ABCA3: variants seen among roughly 807,000 people sequenced by gnomAD.
ABCA3 encodes the protein phospholipid-transporting ATPase ABCA3.
A neutral mutation model predicts 172.8 loss-of-function variants in ABCA3; 88 were observed. The ratio of observed to expected loss-of-function variants is 0.51; its 90% CI spans 0.43 to 0.61. The LOEUF is 0.61. Ranked by LOEUF, ABCA3 falls within the 20% of genes least tolerant of loss-of-function variation. The probability of loss-of-function intolerance (pLI) is 0.00; values close to 1 mark genes in which losing one functional copy is unlikely to be tolerated. For synonymous variants in ABCA3, 1,066 were observed against 983.8 expected (o/e 1.08, Z -1.56); for missense variants, 2,164 against 2,301.0 (o/e 0.94, Z 1.22).
At chr16:2,289,670 TGGAG>T in intron 19 of ABCA3, 50 bp from the exon 20 acceptor site, 1 of 1,536,972 alleles carries the variant, frequency 6.5e-7, no homozygotes, top group Non-Finnish European at 8.7e-7. Context: ...CCCGGGTGGG[TGGAG>T]GGAGGGACTA....
At position 2,298,482 on chromosome 16, in the gene ABCA3, G is replaced by A. The variant is rs371747435; in HGVS notation, c.1800C>T (p.Asp600=). 6.2e-7 allele frequency: 1 copy of A among 1,614,084 alleles called. No homozygotes were observed. Among genetic ancestry groups the A allele is most frequent in the Non-Finnish European group, 8.5e-7 (1 of 1,180,042 alleles). ...AYISGYEISQ[D]MVQIRKSLGL... ...CCAGGCTCTTCCGGATCTGAACCAT[G>A]TCCTGGGAAATTTCATACCCGCTGA... The change falls in exon 15 of 33, where the codon GAC becomes GAT. Residue 600 remains aspartate, a synonymous_variant. Coordinates refer to ENST00000301732, the MANE Select transcript of ABCA3 (RefSeq NM_001089.3).
chr16:2,294,008 CTT>C (rs1264381640), intron 18 of ABCA3, among the ~76,000 whole-genome samples: 7 of 139,960 alleles, frequency 5.0e-5, no homozygotes, highest in Non-Finnish European at 3.1e-5. Flanking sequence ...TTTTTTCTTT[CTT>C]TTTTTTTTTT....
At chr16:2,314,329 T>C (rs1567349872) in intron 10 of ABCA3, among the ~76,000 whole-genome samples, 1 of 152,142 alleles carries the variant, frequency 6.6e-6, no homozygotes, top group Non-Finnish European at 1.5e-5. Flanking sequence ...CAGATGAACC[T>C]TGGGGATGCT....
chr16:2,285,390 C>A lies in ABCA3; in HGVS notation c.3483+52G>T. Reference sequence around the variant, plus strand: ...CCGGTTCTGCACAGGGGTCCCAGGGCAAGCCCTCTGCGGTCTGCAGGGGAA... The same window carrying A: ...CCGGTTCTGCACAGGGGTCCCAGGGAAAGCCCTCTGCGGTCTGCAGGGGAA... On this transcript the variant is annotated intron_variant, in intron 23 of 32. Coordinates refer to ENST00000301732, the MANE Select transcript of ABCA3 (RefSeq NM_001089.3). The surrounding 1 kb of genome is among the most constrained non-coding windows in gnomAD (Gnocchi z 4.7). The A allele has an allele frequency of 6.4e-7, 1 of 1,558,068 alleles. No individual in the cohort carries two copies. Among genetic ancestry groups the A allele is most frequent in the Non-Finnish European group, 8.7e-7 (1 of 1,151,304 alleles).
rs2093681351 is a variant in ABCA3, at chr16:2,297,319, C to G, written c.2263+10G>C. On this transcript the variant is annotated intron_variant, in intron 17 of 32. Coordinates refer to ENST00000301732, the MANE Select transcript of ABCA3 (RefSeq NM_001089.3). The surrounding 1 kb of genome is among the most constrained non-coding windows in gnomAD (Gnocchi z 5.6). ...CACCGACCCTGTCGCGGGCTGGCCC[C>G]ACCGCTCACCGTATTTCTGCTTGAG... 1 of 1,609,310 alleles carries G rather than the reference C, an allele frequency of 6.2e-7. No individual in the cohort carries two copies. Among genetic ancestry groups the G allele is most frequent in the Admixed American group, 1.7e-5 (1 of 59,946 alleles).
chr16:2,300,038 C>T lies in ABCA3; in HGVS notation c.1578G>A (p.Leu526=). ...GGTGCTTGATCTTGATCCCCGCCAC[C>T]AGGTCCTCTGGCTCGGCTTCAAAGT... ...NEYFEAEPED[L]VAGIKIKHLS... Residue 526 remains leucine, a synonymous_variant, in exon 13 of 33, where the codon CTG becomes CTA. Coordinates refer to ENST00000301732, the MANE Select transcript of ABCA3 (RefSeq NM_001089.3). 1 of 1,613,530 alleles carries T rather than the reference C, an allele frequency of 6.2e-7. No homozygotes were observed. Among genetic ancestry groups the T allele is most frequent in the South Asian group, 1.1e-5 (1 of 91,032 alleles).
chr16:2,322,428 T>G (rs2093727545), intron 7 of ABCA3, among the ~76,000 whole-genome samples: 1 of 151,876 alleles, frequency 6.6e-6, no homozygotes, highest in Non-Finnish European at 1.5e-5. Context: ...GTGCACAATG[T>G]GCAGGTTAGT....
chr16:2,317,450 G>T, intron 9 of ABCA3, 47 bp from the exon 10 acceptor site: 1 of 1,610,450 alleles, frequency 6.2e-7, no homozygotes, highest in South Asian at 1.1e-5. Context: ...GGCAGAGGTG[G>T]ACCAGGAGGA....
At chr16:2,302,489 CT>C (rs112470479) in intron 12 of ABCA3, among the ~76,000 whole-genome samples, 580 of 140,616 alleles carry the variant, frequency 4.1e-3, no homozygotes, top group African/African-American at 4.2e-3. Flanking sequence ...CAATATGATT[CT>C]TTTTTTTTTT....
intron 14 of ABCA3, 105 bp downstream of exon 14, chr16:2,299,298 G>T: frequency 6.6e-7 from 1 of 1,520,494 alleles, no homozygotes; most frequent in South Asian, 1.1e-5. Context: ...GCTGTGGTTG[G>T]GGAAGGCCCG....
rs144605166 is a variant in ABCA3 at position 2,311,847 on chromosome 16, G to C, written c.1112-3224C>G. 1.1e-4 allele frequency among the ~76,000 whole-genome samples: 17 copies of C among 152,222 alleles called. No individual in the cohort carries two copies. In the East Asian group the frequency reaches 3.3e-3, roughly 29 times the overall value. On this transcript the variant is annotated intron_variant, in intron 10 of 32. Coordinates refer to ENST00000301732, the MANE Select transcript of ABCA3 (RefSeq NM_001089.3). ...ATTTTTTGTATTTTTAGTAGAGACA[G>C]GGTTTCACCATGTTGTCCAGGCTGG...
At chr16:2,316,419 T>A (rs1211887706) in intron 10 of ABCA3, among the ~76,000 whole-genome samples, 4 of 128,122 alleles carry the variant, frequency 3.1e-5, no homozygotes, top group Non-Finnish European at 6.3e-5. Flanking sequence ...CCAAGGAGTA[T>A]GGATCGCTTG....
At chr16:2,334,354 C>T (rs544828277) in intron 1 of ABCA3, among the ~76,000 whole-genome samples, 2 of 152,226 alleles carry the variant, frequency 1.3e-5, no homozygotes, top group South Asian at 2.1e-4. Flanking sequence ...AAGAAGGGAG[C>T]TCGGGGTGTG....
chr16:2,295,469 G>A, intron 18 of ABCA3, 121 bp downstream of exon 18: 1 of 1,470,880 alleles, frequency 6.8e-7, no homozygotes, highest in Non-Finnish European at 9.4e-7. Context: ...GAGGGTCTAA[G>A]AGTGCCGACT....
chr16:2,300,168 C>G lies in ABCA3; in HGVS notation c.1468-20G>C. 1 of 1,613,054 alleles carries G rather than the reference C, an allele frequency of 6.2e-7. No individual in the cohort carries two copies. Among genetic ancestry groups the G allele is most frequent in the Non-Finnish European group, 8.5e-7 (1 of 1,179,862 alleles). ...GGAGGGCTGGGAGGGAAGCAGACAG[C>G]TGTCAGTTTGTTTTGTTTGTGACGA... On this transcript the variant is annotated intron_variant, in intron 12 of 32. Transcript: ENST00000301732.
rs537014244 is a variant in ABCA3, at chr16:2,277,085, G to A, written c.4984-280C>T. Among the ~76,000 whole-genome samples the A allele has an allele frequency of 3.7e-4, 56 of 152,266 alleles. No individual in the cohort carries two copies. The highest frequency in any genetic ancestry group is 1.3e-3 in the African/African-American group (56 of 41,548). On this transcript the variant is annotated intron_variant, in intron 32 of 32. Coordinates refer to ENST00000301732, the MANE Select transcript of ABCA3 (RefSeq NM_001089.3). This position sits in a 1 kb window ranked among gnomAD's most constrained non-coding sequence, Gnocchi z 5.3. ...TGAGCCAGTGATGTTCCCTTTCTGA[G>A]CCAGTTCTTTTTTTCCCCCATATTT...
intron 15 of ABCA3, 64 bp downstream of exon 15, chr16:2,298,322 A>G: frequency 6.2e-7 from 1 of 1,607,156 alleles, no homozygotes; most frequent in Non-Finnish European, 8.5e-7. Context: ...TCCTCGGAAG[A>G]CTGCCCCAGA....
At chr16:2,301,233 A>C (rs942467050) in intron 12 of ABCA3, among the ~76,000 whole-genome samples, 1 of 151,490 alleles carries the variant, frequency 6.6e-6, no homozygotes. Context: ...TCCGTCTCAA[A>C]AAAAAAAAAA....
In ABCA3 at chr16:2,315,203, TACACAC is replaced by T. The variant is rs377647001; in HGVS notation, c.1111+2074_1111+2079del. Among the ~76,000 whole-genome samples the T allele has an allele frequency of 2.4e-3, 336 of 138,492 alleles. 1 individual carries two copies. Among genetic ancestry groups the T allele is most frequent in the African/African-American group, 4.8e-3 (178 of 36,782 alleles). The allele number at this position is 138,492 out of a possible 152,430, so 90.9% of individuals were successfully genotyped here. On this transcript the variant is annotated intron_variant, in intron 10 of 32. Transcript: ENST00000301732. Reference sequence around the variant, plus strand: ...CGGTCATAAATTGTTGTATGTATTTTACACACACACACACACACACACACACACACA... The same window carrying T: ...CGGTCATAAATTGTTGTATGTATTTTACACACACACACACACACACACACA...
Sources: allele counts gnomAD v4.1 joint callset (sites outside exome capture counted in the v4.1 genomes callset), GRCh38; gene constraint gnomAD v4.1.1; non-coding constraint Gnocchi (gnomAD v3.1); transcripts MANE v1.5; gene names NCBI Gene and HGNC (gene_info 2026-07-23, HGNC 2026-07-21).